Variants in NPY4R observed in about 807,000 individuals in gnomAD.
NPY4R encodes the protein neuropeptide Y receptor type 4.
Under a neutral mutation model 11.9 loss-of-function variants are expected in NPY4R, and 2 were observed. That is an observed-to-expected ratio of 0.17 (90% confidence interval 0.07 to 0.53). The LOEUF is 0.53. NPY4R is among the 20% of genes least tolerant of loss of function. NPY4R has a pLI of 0.94. For synonymous variants in NPY4R, 8 were observed against 121.7 expected (o/e 0.07, Z 6.15); for missense variants, 26 against 280.2 (o/e 0.09, Z 6.48).
upstream of NPY4R, among the ~76,000 whole-genome samples, chr10:46,466,181 C>CTTTCTTTCTTTCTT (rs1554991156): frequency 1.3e-4 from 3 of 22,326 alleles, 1 homozygote; most frequent in East Asian, 2.0e-3. Flanking sequence ...CTGTCTTTCT[C>CTTTCTTTCTTTCTT]TCTTTCTTTC....
At chr10:46,466,198 T>TCTTTCTTTCTTC (rs1841021640), upstream of NPY4R, among the ~76,000 whole-genome samples, 1 of 35,284 alleles carries the variant, frequency 2.8e-5, no homozygotes, top group South Asian at 8.0e-4. Flanking sequence ...TTTCTTTCTT[T>TCTTTCTTTCTTC]CTTTCTTTCT....
chr10:46,466,275 TCTTTCTTTCTCTCTC>T (rs1841046871), upstream of NPY4R, among the ~76,000 whole-genome samples: 1 of 65,070 alleles, frequency 1.5e-5, no homozygotes, highest in Non-Finnish European at 3.0e-5. Flanking sequence ...TTTCTTTCTT[TCTTTCTTTCTCTCTC>T]TCTCTCTCTC....
chr10:46,466,177 T>G (rs1478768361), upstream of NPY4R, among the ~76,000 whole-genome samples: 2 of 40,198 alleles, frequency 5.0e-5, no homozygotes, highest in African/African-American at 7.5e-5. Context: ...TGCGCTGTCT[T>G]TCTCTCTTTC....
upstream of NPY4R, among the ~76,000 whole-genome samples, chr10:46,466,251 CTTTCTTTCTTTCCTTTCTT>C (rs1841037372): frequency 1.5e-5 from 1 of 68,460 alleles, no homozygotes; most frequent in African/African-American, 9.3e-5. Flanking sequence ...TTCTTTCTTT[CTTTCTTTCTTTCCTTTCTT>C]TCTTTCTTTC....
chr10:46,466,234 T>TC (rs1491586442), upstream of NPY4R, among the ~76,000 whole-genome samples: 4 of 68,496 alleles, frequency 5.8e-5, no homozygotes, highest in Admixed American at 2.9e-4. Context: ...TTTCTTTCTT[T>TC]CTTTCTTTCT....
upstream of NPY4R, among the ~76,000 whole-genome samples, chr10:46,466,236 T>TTTC (rs1554991227): frequency 1.4e-5 from 1 of 70,310 alleles, no homozygotes; most frequent in African/African-American, 8.4e-5. Flanking sequence ...TCTTTCTTTC[T>TTTC]TTCTTTCTTT....
upstream of NPY4R, among the ~76,000 whole-genome samples, chr10:46,466,192 T>TTCC (rs1491578020): frequency 4.8e-5 from 1 of 20,786 alleles, no homozygotes; most frequent in African/African-American, 2.3e-4. Context: ...TCTTTCTTTC[T>TTCC]TTCTTTCTTT....
chr10:46,466,243 CTTTCTTTCT>C (rs1841033265), upstream of NPY4R, among the ~76,000 whole-genome samples: 12 of 69,274 alleles, frequency 1.7e-4, no homozygotes, highest in Admixed American at 2.9e-4. Context: ...TTCTTTCTTT[CTTTCTTTCT>C]TTCTTTCTTT....
At chr10:46,464,347 C>A in intron 1 of NPY4R, among the ~76,000 whole-genome samples, 2 of 102,252 alleles carry the variant, frequency 2.0e-5, no homozygotes, top group Admixed American at 9.2e-5. Flanking sequence ...CCAGCCTGGG[C>A]AACAGAGCGA....
chr10:46,466,195 C>A (rs1841020683), upstream of NPY4R, among the ~76,000 whole-genome samples: 3 of 30,810 alleles, frequency 9.7e-5, no homozygotes, highest in African/African-American at 3.5e-4. Context: ...TTCTTTCTTT[C>A]TTTCTTTCTT....
chr10:46,462,333 G>A lies in NPY4R; in HGVS notation c.303C>T (p.Tyr101=), dbSNP rs138464298. ...CAAAGATCCAGTAGTCCATGATGGT[G>A]TAGACGGCGGTCAGCGGCTGGCAGA... The part of the protein sequence containing the change: ...CLLCQPLTAV[Y]TIMDYWIFGE... Residue 101 remains tyrosine (Y), a synonymous_variant, in exon 3 of 3, where the codon TAC becomes TAT. Coordinates refer to ENST00000374312, the MANE Select transcript of NPY4R (RefSeq NM_005972.6). 1.2e-5 allele frequency: 18 copies of A among 1,551,242 alleles called. No individual in the cohort carries two copies. The highest frequency in any genetic ancestry group is 6.8e-5 in the African/African-American group (5 of 73,166).
At chr10:46,466,215 C>CTTTCTT (rs1841024866), upstream of NPY4R, among the ~76,000 whole-genome samples, 1 of 62,388 alleles carries the variant, frequency 1.6e-5, no homozygotes, top group African/African-American at 1.0e-4. Context: ...TTCTTTCTTT[C>CTTTCTT]TTTCTTTCTT....
upstream of NPY4R, among the ~76,000 whole-genome samples, chr10:46,466,266 TTCTTTCTTTCTTTCTTTCTCTCTC>T (rs1565142642): frequency 1.4e-3 from 94 of 69,030 alleles, 6 homozygotes; most frequent in East Asian, 7.4e-3. Context: ...TTTCTTTCCT[TTCTTTCTTTCTTTCTTTCTCTCTC>T]TCTCTCTCTC....
chr10:46,466,252 T>TTCCTTCC (rs1841037706), upstream of NPY4R, among the ~76,000 whole-genome samples: 2 of 72,974 alleles, frequency 2.7e-5, no homozygotes, highest in African/African-American at 7.6e-5. Context: ...TCTTTCTTTC[T>TTCCTTCC]TTCTTTCTTT....
chr10:46,466,019 G>A (rs1228114701), upstream of NPY4R: 1 of 152,596 alleles, frequency 6.6e-6, no homozygotes, highest in Non-Finnish European at 1.5e-5. Context: ...CCGCCCACGA[G>A]AGGGCTCCAG....
chr10:46,466,263 C>CTTTCCTTT (rs1370103147), upstream of NPY4R, among the ~76,000 whole-genome samples: 1 of 12,542 alleles, frequency 8.0e-5, no homozygotes, highest in East Asian at 1.0e-3. Context: ...TTCTTTCTTT[C>CTTTCCTTT]CTTTCTTTCT....
upstream of NPY4R, among the ~76,000 whole-genome samples, chr10:46,466,170 GCTGT>G (rs1588926249): frequency 1.0e-3 from 32 of 30,570 alleles, no homozygotes; most frequent in Middle Eastern, 0.021. Flanking sequence ...CTGGAGCTGC[GCTGT>G]CTTTCTCTCT....
At chr10:46,464,380 A>AC (rs1840950692) in intron 1 of NPY4R, among the ~76,000 whole-genome samples, 1 of 109,854 alleles carries the variant, frequency 9.1e-6, no homozygotes, top group African/African-American at 3.5e-5. Flanking sequence ...AAAAAAAAAA[A>AC]AAGAGTCTCA....
Sources: allele counts gnomAD v4.1 joint callset (sites outside exome capture counted in the v4.1 genomes callset), GRCh38; gene constraint gnomAD v4.1.1; transcripts MANE v1.5; gene names NCBI Gene and HGNC (gene_info 2026-07-23, HGNC 2026-07-21).